The following PPIL2 variants were observed in gnomAD, a reference collection of about 807,000 sequenced individuals.
The protein encoded by PPIL2 is RING-type E3 ubiquitin-protein ligase PPIL2.
A neutral mutation model predicts 75.2 loss-of-function variants in PPIL2; 50 were observed. The ratio of observed to expected loss-of-function variants is 0.66; its 90% confidence interval spans 0.53 to 0.84. PPIL2 has a LOEUF of 0.84. Among genes scored for constraint, PPIL2 ranks in the 40% least tolerant of loss-of-function variants. The pLI is 0.00. For synonymous variants in PPIL2, 245 were observed against 258.8 expected (o/e 0.95, Z 0.51); for missense variants, 590 against 685.0 (o/e 0.86, Z 1.55).
At position 21,693,522 on chromosome 22, in the gene PPIL2, A is replaced by T. The variant is rs73877672; in HGVS notation, c.1140-294A>T. ...CCCTCGTCCCAGCCACCTCCCACAG[A>T]GCTGCATGGCCAACCTGGTTCTGGG... On this transcript the variant is annotated intron_variant, in intron 15 of 19. Transcript: ENST00000398831. 8.1e-3 allele frequency among the ~76,000 whole-genome samples: 1,227 copies of T among 152,252 alleles called. 23 individuals are homozygous for T. The highest frequency in any genetic ancestry group is 0.028 in the African/African-American group (1,174 of 41,538).
intron 6 of PPIL2, among the ~76,000 whole-genome samples, chr22:21,680,973 A>T (rs572842204): frequency 4.6e-5 from 7 of 152,108 alleles, no homozygotes; most frequent in Non-Finnish European, 7.4e-5. Context: ...CAGGGCTGGA[A>T]CATGGGTTGT....
At chr22:21,690,035 C>T (rs2067552907) in intron 15 of PPIL2, among the ~76,000 whole-genome samples, 1 of 152,116 alleles carries the variant, frequency 6.6e-6, no homozygotes, top group South Asian at 2.1e-4. Flanking sequence ...ACAGGTGTGG[C>T]CCCTGCATGT....
chr22:21,671,614 C>T (rs968213714), intron 4 of PPIL2, among the ~76,000 whole-genome samples: 1 of 151,908 alleles, frequency 6.6e-6, no homozygotes, highest in African/African-American at 2.4e-5. Context: ...CACTATGTTG[C>T]CCAGGCTGGT....
chr22:21,672,025 T>C (rs1349962481), intron 4 of PPIL2, among the ~76,000 whole-genome samples: 1 of 152,182 alleles, frequency 6.6e-6, no homozygotes, highest in Non-Finnish European at 1.5e-5. Context: ...CACTCCAGCC[T>C]GAGTGACAAG....
chr22:21,679,121 C>G (rs551098974), intron 6 of PPIL2, among the ~76,000 whole-genome samples: 1 of 152,060 alleles, frequency 6.6e-6, no homozygotes, highest in Admixed American at 6.6e-5. Context: ...GTCTCAAACT[C>G]CCGACCTCAG....
At chr22:21,682,972 G>A (rs1404216595) in intron 8 of PPIL2, among the ~76,000 whole-genome samples, 2 of 152,142 alleles carry the variant, frequency 1.3e-5, no homozygotes, top group Non-Finnish European at 2.9e-5. Context: ...AGCAGCTAGC[G>A]AGGCTGCGTC....
At chr22:21,690,957 C>CTTTTT (rs34639269) in intron 15 of PPIL2, among the ~76,000 whole-genome samples, 144 of 64,626 alleles carry the variant, frequency 2.2e-3, no homozygotes, top group Non-Finnish European at 2.8e-3. Flanking sequence ...GCCACCTTCT[C>CTTTTT]TTTTTTTTTT....
intron 4 of PPIL2, 61 bp from the exon 5 acceptor site, chr22:21,672,269 T>G: frequency 2.1e-6 from 3 of 1,431,930 alleles, no homozygotes; most frequent in Non-Finnish European, 3.0e-6. Context: ...AAGACCACAG[T>G]GTTGTTACCA....
downstream of PPIL2, chr22:21,698,492 T>C (rs1369879953): frequency 6.6e-6 from 1 of 152,326 alleles, no homozygotes; most frequent in East Asian, 1.9e-4. Context: ...GACTTGGCTG[T>C]CCTCGCACCC....
Position 21,694,621 on chromosome 22 carries a change from G to C in PPIL2, c.1225G>C (p.Ala409Pro). The C allele has an allele frequency of 6.2e-7, 1 of 1,614,162 alleles. No homozygotes were observed. Among genetic ancestry groups the C allele is most frequent in the Non-Finnish European group, 8.5e-7 (1 of 1,180,020 alleles). The change falls in exon 17 of 20, where the codon GCC becomes CCC. Residue 409 changes from alanine (A) to proline (P), a missense_variant. By Grantham distance (27) the Ala-to-Pro change is conservative. Transcript: ENST00000398831. ...TGTTGGGGGCTTTGACGTACTGACA[G>C]CCATGGAGAATGTGGAGAGTGACCC... ...RVVGGFDVLT[A>P]MENVESDPKT...
chr22:21,684,790 G>GA lies in PPIL2; in HGVS notation c.596dup (p.Asn199LysfsTer64). ...CCAAACAGGACCCGTCTTATTATCT[G>GA]AAAAATACAAATGCCGAGACCCGAG... On this transcript the variant is annotated frameshift_variant, in exon 10 of 20. Coordinates refer to ENST00000398831, the MANE Select transcript of PPIL2 (RefSeq NM_014337.4). LOFTEE classifies it high-confidence loss of function. The GA allele has an allele frequency of 6.2e-7, 1 of 1,614,136 alleles. No individual in the cohort carries two copies. Among genetic ancestry groups the GA allele is most frequent in the African/African-American group, 1.3e-5 (1 of 75,052 alleles).
intron 2 of PPIL2, chr22:21,670,309 T>G (rs1464669105): frequency 2.0e-6 from 3 of 1,492,638 alleles, no homozygotes; most frequent in Non-Finnish European, 2.7e-6. Flanking sequence ...CTGTCAAAAC[T>G]ATCAAGACTA....
chr22:21,691,985 T>C (rs554925396), intron 15 of PPIL2, among the ~76,000 whole-genome samples: 1 of 152,168 alleles, frequency 6.6e-6, no homozygotes, highest in East Asian at 1.9e-4. Flanking sequence ...ACCAGCCGGG[T>C]TGTGGGCTGT....
chr22:21,688,906 G>T, intron 15 of PPIL2, 57 bp downstream of exon 15: 8 of 1,496,878 alleles, frequency 5.3e-6, no homozygotes, highest in Non-Finnish European at 7.4e-6. Context: ...CTCTCTGCGG[G>T]TTCTTCCTCT....
Position 21,690,098 on chromosome 22 carries a change from G to A in PPIL2, c.1139+1249G>A, listed in dbSNP as rs1471313175. The stretch of plus-strand genomic sequence containing the variant: ...GGCCTGGAATGGTTAAAATCACAGG[G>A]ATGGCCAGGCGTGGTGGCTCACACC... On this transcript the variant is annotated intron_variant, in intron 15 of 19. Transcript: ENST00000398831. Among the ~76,000 whole-genome samples, 30 of 152,108 alleles carry A rather than the reference G, an allele frequency of 2.0e-4. 1 individual carries two copies. Among genetic ancestry groups the A allele is most frequent in the Admixed American group, 2.0e-3 (30 of 15,250 alleles).
rs1279034844 is a variant in PPIL2, at chr22:21,670,586, C to T, written c.103C>T (p.Arg35Cys). Reference sequence around the variant, plus strand: ...AACAGATCTCCCACAAACAAATTTTCGTCGTTTACCTTTTGACCACTGCAG... The same window carrying T: ...AACAGATCTCCCACAAACAAATTTTTGTCGTTTACCTTTTGACCACTGCAG... Reference protein sequence around the residue: ...KKPDLPQTNFRRLPFDHCSLS... With the variant: ...KKPDLPQTNFCRLPFDHCSLS... Residue 35 changes from arginine to cysteine, a missense_variant, in exon 3 of 20, where the codon CGT becomes TGT. Physicochemically the swap from Arg to Cys is radical, Grantham distance 180. Coordinates refer to ENST00000398831, the MANE Select transcript of PPIL2 (RefSeq NM_014337.4). 25 of 1,611,316 alleles carry T rather than the reference C, an allele frequency of 1.6e-5. No individual in the cohort carries two copies. The highest frequency in any genetic ancestry group is 2.2e-5 in the South Asian group (2 of 90,990).
rs1202564440 is a variant in PPIL2, at chr22:21,696,655, A to AC, written c.*1171dup. 1.8e-5 allele frequency: 28 copies of AC among 1,524,066 alleles called. No homozygotes were observed. Among genetic ancestry groups the AC allele is most frequent in the South Asian group, 8.6e-5 (7 of 81,690 alleles). 94.4% of individuals were successfully genotyped at this position (1,524,066 alleles called of 1,614,324 possible). On this transcript the variant is annotated 3_prime_UTR_variant, in exon 20 of 20. Coordinates refer to ENST00000398831, the MANE Select transcript of PPIL2 (RefSeq NM_014337.4). Reference sequence around the variant, plus strand: ...TTGGGCTCCCTGTTGCCCTCAGGCCACCCCCCACTTCTAGTTCTTCACACT... The same window carrying AC: ...TTGGGCTCCCTGTTGCCCTCAGGCCACCCCCCCACTTCTAGTTCTTCACACT...
Position 21,693,721 on chromosome 22 carries a change from T to G in PPIL2, c.1140-95T>G, listed in dbSNP as rs1209955688. 8.8e-6 allele frequency: 11 copies of G among 1,252,678 alleles called. No individual in the cohort carries two copies. The East Asian group carries it at 2.3e-4, about 27-fold the overall frequency. The allele number at this position is 1,252,678 out of a possible 1,614,324, so 77.6% of individuals were successfully genotyped here. A position where few individuals can be genotyped will look rare whatever the true frequency, so the allele number is the denominator to read the frequency against. On this transcript the variant is annotated intron_variant, in intron 15 of 19. Transcript: ENST00000398831. The stretch of plus-strand genomic sequence containing the variant: ...CGTGGAAGCTGCAGGTTCCCAGAGC[T>G]GGCTGTAGAGGGTGGGCAGCTCCTG...
chr22:21,694,857 T>C (rs1431849152), intron 18 of PPIL2, 40 bp downstream of exon 18: 2 of 1,590,558 alleles, frequency 1.3e-6, no homozygotes, highest in East Asian at 4.5e-5. Context: ...GGGTCTGGGC[T>C]AGTGCACTTT....
Sources: allele counts gnomAD v4.1 joint callset (sites outside exome capture counted in the v4.1 genomes callset), GRCh38; gene constraint gnomAD v4.1.1; transcripts MANE v1.5; gene names NCBI Gene and HGNC (gene_info 2026-07-23, HGNC 2026-07-21).